Variants in PREB observed in about 807,000 individuals in gnomAD.
PREB encodes guanine nucleotide-exchange factor SEC12.
In PREB, 29 loss-of-function variants were observed where a neutral mutation model predicts 46.7. That is an observed-to-expected ratio of 0.62 (90% CI 0.46 to 0.85). PREB has a LOEUF of 0.85. Among genes scored for constraint, PREB ranks in the 40% least tolerant of loss-of-function variants. The pLI, the probability that PREB is intolerant of heterozygous loss-of-function variation, is 0.00. For missense variants in PREB, 494 were observed against 528.4 expected, an observed-to-expected ratio of 0.93 and a Z score of 0.64; for synonymous variants, 224 against 220.1, an observed-to-expected ratio of 1.02 and a Z score of -0.16.
At position 27,134,613 on chromosome 2, in the gene PREB, A is replaced by G. The variant is rs1471063067; in HGVS notation, c.-192T>C. On this transcript the variant is annotated 5_prime_UTR_variant, in exon 1 of 9. Coordinates refer to ENST00000260643, the MANE Select transcript of PREB (RefSeq NM_013388.6). Reference sequence around the variant, plus strand: ...GCCGAGCCTCAGCTCGGCTCCGTCCAAGTCGGTCTCGCAGACGCGCACTGC... The same window carrying G: ...GCCGAGCCTCAGCTCGGCTCCGTCCGAGTCGGTCTCGCAGACGCGCACTGC... 67 of 1,308,568 alleles carry G rather than the reference A, an allele frequency of 5.1e-5. No homozygotes were observed. The highest frequency in any genetic ancestry group is 6.4e-5 in the Non-Finnish European group (66 of 1,032,594). The allele number at this position is 1,308,568 out of a possible 1,614,324, so 81.1% of individuals were successfully genotyped here.
chr2:27,132,150 G>C lies in PREB; in HGVS notation c.927-68C>G. On this transcript the variant is annotated intron_variant, in intron 6 of 8. Transcript: ENST00000260643. The surrounding 1 kb of genome is among the most constrained non-coding windows in gnomAD (Gnocchi z 4.0). ...CAGCAACCCTCATACCCCAATACCGGTCCGTAGGGACCCAGGCAGGACTCC... is the reference window on the plus strand; with the variant it reads ...CAGCAACCCTCATACCCCAATACCGCTCCGTAGGGACCCAGGCAGGACTCC... 6.2e-7 allele frequency: 1 copy of C among 1,608,868 alleles called. No individual in the cohort carries two copies. Among genetic ancestry groups the C allele is most frequent in the South Asian group, 1.1e-5 (1 of 90,944 alleles).
chr2:27,133,801 C>A, intron 1 of PREB, 80 bp from the exon 2 acceptor site: 1 of 1,407,090 alleles, frequency 7.1e-7, no homozygotes. Context: ...TGTCTTACCC[C>A]TTTGCTTTCT....
At position 27,132,984 on chromosome 2, in the gene PREB, C is replaced by A; in HGVS notation, c.547-61G>T. ...TCCAGCAAGTACACTGTGACTGATG[C>A]CCACGCCACCCCTTCTAATGGCCCC... On this transcript the variant is annotated intron_variant, in intron 3 of 8. Coordinates refer to ENST00000260643, the MANE Select transcript of PREB (RefSeq NM_013388.6). This position sits in a 1 kb window ranked among gnomAD's most constrained non-coding sequence, Gnocchi z 4.0. 1 of 1,588,796 alleles carries A rather than the reference C, an allele frequency of 6.3e-7. No individual in the cohort carries two copies. Among genetic ancestry groups the A allele is most frequent in the African/African-American group, 1.3e-5 (1 of 74,432 alleles).
chr2:27,134,347 A>C lies in PREB; in HGVS notation c.75T>G (p.Thr25=). The C allele has an allele frequency of 1.9e-6, 3 of 1,611,580 alleles. No homozygotes were observed. The highest frequency in any genetic ancestry group is 2.5e-6 in the Non-Finnish European group (3 of 1,179,474). The change falls in exon 1 of 9, where the codon ACT becomes ACG. Residue 25 remains threonine, a synonymous_variant. Coordinates refer to ENST00000260643, the MANE Select transcript of PREB (RefSeq NM_013388.6). ...CTCCGCCCGCAGCGATGAGCAGCCC[A>C]GTGCTGGGGTCGACCTGAAGCGCGT... ...PLYALQVDPS[T]GLLIAAGGGG...
Position 27,133,746 on chromosome 2 carries a change from G to C in PREB, c.136-25C>G, listed in dbSNP as rs770499829. The C allele has an allele frequency of 1.5e-4, 249 of 1,609,776 alleles. 1 individual carries two copies. Among genetic ancestry groups the C allele is most frequent in the Non-Finnish European group, 1.9e-4 (226 of 1,177,362 alleles). On this transcript the variant is annotated intron_variant, in intron 1 of 8. Transcript: ENST00000260643. Reference sequence around the variant, plus strand: ...GCTGTGGGAGGGGGAACCCGGATGAGCAAGTTCAGGGGTGCCCAGAGAGCA... The same window carrying C: ...GCTGTGGGAGGGGGAACCCGGATGACCAAGTTCAGGGGTGCCCAGAGAGCA...
At chr2:27,134,150 G>T (rs1027606415) in intron 1 of PREB, 137 bp downstream of exon 1, 22 of 1,191,174 alleles carry the variant, frequency 1.8e-5, no homozygotes, top group Non-Finnish European at 2.4e-5. Context: ...GCCCCTGGGC[G>T]TCAGGCAAGC....
rs548450893 is a variant in PREB, at chr2:27,133,914, G to A, written c.136-193C>T. ...CTGGGATTATTACCTCTATTTTACA[G>A]AACAGGGTGAAGCTCAGGAGAGGGA... On this transcript the variant is annotated intron_variant, in intron 1 of 8. Transcript: ENST00000260643. 101 of 635,412 alleles carry A rather than the reference G, an allele frequency of 1.6e-4. 1 individual carries two copies. The South Asian group carries it at 1.9e-3, about 12-fold the overall frequency. 39.4% of individuals were successfully genotyped at this position (635,412 alleles called of 1,614,324 possible).
intron 1 of PREB, chr2:27,133,996 G>T (rs986359151): frequency 2.6e-5 from 16 of 606,368 alleles, no homozygotes; most frequent in Non-Finnish European, 4.5e-5. Context: ...GGGCAGGCAA[G>T]ACCTCCCGGA....
chr2:27,131,197 G>T lies in PREB; in HGVS notation c.*217C>A. On this transcript the variant is annotated 3_prime_UTR_variant, in exon 9 of 9. Transcript: ENST00000260643. The stretch of plus-strand genomic sequence containing the variant: ...CTGGGCTTCAGATACCGCTGTTCTG[G>T]ATGGATCCACAGATGACGAAGGCAA... 1.7e-6 allele frequency: 1 copy of T among 596,670 alleles called. No homozygotes were observed. The highest frequency in any genetic ancestry group is 3.0e-6 in the Non-Finnish European group (1 of 336,842). The allele number at this position is 596,670 out of a possible 1,614,324, so 37.0% of individuals were successfully genotyped here. A position where few individuals can be genotyped will look rare whatever the true frequency, so the allele number is the denominator to read the frequency against.
Position 27,130,835 on chromosome 2 carries a change from T to G in PREB, c.*579A>C. On this transcript the variant is annotated 3_prime_UTR_variant, in exon 9 of 9. Coordinates refer to ENST00000260643, the MANE Select transcript of PREB (RefSeq NM_013388.6). ...TAATGGGCTGAGGTTCATTTTCCCA[T>G]TCCTCAAGGTAAGGGTAGACTACCT... 7.1e-7 allele frequency: 1 copy of G among 1,414,522 alleles called. No homozygotes were observed. Among genetic ancestry groups the G allele is most frequent in the Non-Finnish European group, 9.8e-7 (1 of 1,021,162 alleles). The allele number at this position is 1,414,522 out of a possible 1,614,324, so 87.6% of individuals were successfully genotyped here.
In PREB at chr2:27,132,064, T is replaced by C. The variant is rs1672300856; in HGVS notation, c.945A>G (p.Leu315=). ...CLDVSESGTF[L]GLGTVTGSVA... Reference sequence around the variant, plus strand: ...CAGAGCCAGTGACTGTGCCCAGGCCTAGGAAGGTGCCGGATTCACTGCAAC... The same window carrying C: ...CAGAGCCAGTGACTGTGCCCAGGCCCAGGAAGGTGCCGGATTCACTGCAAC... The change falls in exon 7 of 9, where the codon CTA becomes CTG. Residue 315 remains leucine, a synonymous_variant. Coordinates refer to ENST00000260643, the MANE Select transcript of PREB (RefSeq NM_013388.6). This position sits in a 1 kb window ranked among gnomAD's most constrained non-coding sequence, Gnocchi z 4.0. 6.2e-7 allele frequency: 1 copy of C among 1,613,982 alleles called. No homozygotes were observed. The highest frequency in any genetic ancestry group is 1.7e-5 in the Admixed American group (1 of 59,994).
Position 27,132,921 on chromosome 2 carries a change from C to T in PREB, c.549G>A (p.Val183=), listed in dbSNP as rs1415744746. 2 of 1,614,098 alleles carry T rather than the reference C, an allele frequency of 1.2e-6. No homozygotes were observed. The highest frequency in any genetic ancestry group is 1.7e-6 in the Non-Finnish European group (2 of 1,180,002). ...GTDGYVRVWK[V]PSLEKVLEFK... ...ACTCCAGAACCTTCTCCAGGCTGGGCACCTGTAGCCAAACAACCACCATGG... is the reference window on the plus strand; with the variant it reads ...ACTCCAGAACCTTCTCCAGGCTGGGTACCTGTAGCCAAACAACCACCATGG... Residue 183 remains valine, a splice_region_variant and synonymous_variant, in exon 4 of 9, where the codon GTG becomes GTA. Coordinates refer to ENST00000260643, the MANE Select transcript of PREB (RefSeq NM_013388.6). The surrounding 1 kb of genome is among the most constrained non-coding windows in gnomAD (Gnocchi z 4.0).
rs1450459699 is a variant in PREB at position 27,134,630 on chromosome 2, G to A, written c.-209C>T. 5 of 1,267,742 alleles carry A rather than the reference G, an allele frequency of 3.9e-6. No homozygotes were observed. In the African/African-American group the frequency reaches 6.4e-5, roughly 16 times the overall value. The allele number at this position is 1,267,742 out of a possible 1,614,324, so 78.5% of individuals were successfully genotyped here. A position where few individuals can be genotyped will look rare whatever the true frequency, so the allele number is the denominator to read the frequency against. On this transcript the variant is annotated 5_prime_UTR_variant, in exon 1 of 9. Coordinates refer to ENST00000260643, the MANE Select transcript of PREB (RefSeq NM_013388.6). ...CTCCGTCCAAGTCGGTCTCGCAGACGCGCACTGCGCATGCGCACCTGTCTC... is the reference window on the plus strand; with the variant it reads ...CTCCGTCCAAGTCGGTCTCGCAGACACGCACTGCGCATGCGCACCTGTCTC...
In PREB at chr2:27,134,379, G is replaced by A. The variant is rs771449108; in HGVS notation, c.43C>T (p.Pro15Ser). The A allele has an allele frequency of 3.1e-6, 5 of 1,610,184 alleles. No individual in the cohort carries two copies. In the Admixed American group the frequency reaches 5.0e-5, roughly 16 times the overall value. The change falls in exon 1 of 9, where the codon CCG (proline) becomes TCG (serine). Residue 15 changes from proline (P) to serine (S), a missense_variant. Physicochemically the swap from Pro to Ser is moderately conservative, Grantham distance 74 (BLOSUM62 -1). Transcript: ENST00000260643. ...RAPELYRAPF[P>S]LYALQVDPST... ...GGGTCGACCTGAAGCGCGTACAACGGGAACGGAGCCCGGTACAGCTCTGGC... is the reference window on the plus strand; with the variant it reads ...GGGTCGACCTGAAGCGCGTACAACGAGAACGGAGCCCGGTACAGCTCTGGC...
In PREB at chr2:27,132,002, C is replaced by G; in HGVS notation, c.999+8G>C. ...ACCCACAGGGCCATGCCAACCTCCA[C>G]CCATTACCTGGAGAGAGAAAGCTAT... On this transcript the variant is annotated splice_region_variant and intron_variant, in intron 7 of 8. Transcript: ENST00000260643. The surrounding 1 kb of genome is among the most constrained non-coding windows in gnomAD (Gnocchi z 4.0). 6.2e-7 allele frequency: 1 copy of G among 1,613,498 alleles called. No individual in the cohort carries two copies. The highest frequency in any genetic ancestry group is 8.5e-7 in the Non-Finnish European group (1 of 1,179,378).
chr2:27,133,493 C>A, intron 2 of PREB, 39 bp downstream of exon 2: 1 of 1,603,418 alleles, frequency 6.2e-7, no homozygotes, highest in South Asian at 1.1e-5. Flanking sequence ...CTTACTCGTT[C>A]AACCCTTTCC....
At position 27,132,170 on chromosome 2, in the gene PREB, G is replaced by C; in HGVS notation, c.926+60C>G. The C allele has an allele frequency of 6.2e-7, 1 of 1,610,514 alleles. No homozygotes were observed. The highest frequency in any genetic ancestry group is 1.3e-5 in the African/African-American group (1 of 74,984). On this transcript the variant is annotated intron_variant, in intron 6 of 8. Transcript: ENST00000260643. The surrounding 1 kb of genome is among the most constrained non-coding windows in gnomAD (Gnocchi z 4.0). The stretch of plus-strand genomic sequence containing the variant: ...TACCGGTCCGTAGGGACCCAGGCAG[G>C]ACTCCTTTCCAAGCTCCCTCAGGGA...
intron 1 of PREB, 116 bp downstream of exon 1, chr2:27,134,171 A>C (rs1672402702): frequency 7.5e-7 from 1 of 1,327,558 alleles, no homozygotes. Context: ...GGGTCTTCCC[A>C]ACAGAAGTGG....
Position 27,131,469 on chromosome 2 carries a change from C to T in PREB, c.1199G>A (p.Gly400Glu), listed in dbSNP as rs1393083425. Residue 400 changes from glycine (G) to glutamate (E), a missense_variant, in exon 9 of 9, where the codon GGG (glycine) becomes GAG (glutamate). By Grantham distance (98) the Gly-to-Glu change is moderately conservative. Transcript: ENST00000260643. Reference protein sequence around the residue: ...PVWLLLLLCVGLIIVTILLLQ... With the variant: ...PVWLLLLLCVELIIVTILLLQ... ...CAGCAGGATGGTCACAATAATAAGCCCGACACACAGCAGGAGCAGGAGCCA... is the reference window on the plus strand; with the variant it reads ...CAGCAGGATGGTCACAATAATAAGCTCGACACACAGCAGGAGCAGGAGCCA... 6.3e-7 allele frequency: 1 copy of T among 1,577,526 alleles called. No homozygotes were observed. Among genetic ancestry groups the T allele is most frequent in the East Asian group, 2.4e-5 (1 of 42,552 alleles).
Sources: gnomAD v4.1 joint callset for allele counts on GRCh38, gnomAD v4.1.1 for gene constraint, Gnocchi (gnomAD v3.1) non-coding constraint, MANE v1.5 for transcripts, NCBI Gene and HGNC (gene_info 2026-07-23, HGNC 2026-07-21) for gene names.